Variants in RGMA observed in about 807,000 individuals in gnomAD.
The protein encoded by RGMA is repulsive guidance molecule A.
A neutral mutation model predicts 23.2 loss-of-function variants in RGMA; 10 were observed. The ratio of observed to expected loss-of-function variants is 0.43; its 90% CI spans 0.27 to 0.73. The LOEUF is 0.73. Among genes scored for constraint, RGMA ranks in the 30% least tolerant of loss-of-function variants. The pLI, the probability that RGMA is intolerant of heterozygous loss-of-function variation, is 0.20. For synonymous variants in RGMA, 308 were observed against 279.3 expected, an observed-to-expected ratio of 1.10 and a Z score of -1.03; for missense variants, 547 against 630.5, an observed-to-expected ratio of 0.87 and a Z score of 1.42.
chr15:93,057,516 G>T (rs2055033668), intron 2 of RGMA, among the ~76,000 whole-genome samples: 1 of 152,180 alleles, frequency 6.6e-6, no homozygotes, highest in South Asian at 2.1e-4. Context: ...GGCCATGCTG[G>T]TACCGGATCT....
intron 1 of RGMA, chr15:93,074,049 C>T: frequency 7.4e-7 from 1 of 1,355,188 alleles, no homozygotes; most frequent in Non-Finnish European, 9.5e-7. Flanking sequence ...CCCAAGGTTC[C>T]CTGGGCCCTG....
At chr15:93,070,916 A>C (rs1000850954) in intron 2 of RGMA, among the ~76,000 whole-genome samples, 1 of 152,256 alleles carries the variant, frequency 6.6e-6, no homozygotes, top group Non-Finnish European at 1.5e-5. Flanking sequence ...TTTAAAATAA[A>C]AGTTTTTAGG....
chr15:93,060,503 G>C (rs565279968), intron 2 of RGMA, among the ~76,000 whole-genome samples: 1 of 152,210 alleles, frequency 6.6e-6, no homozygotes, highest in Non-Finnish European at 1.5e-5. Context: ...TGATGCCCAG[G>C]CAATGCCTAC....
chr15:93,080,784 C>A (rs939662955), intron 1 of RGMA, among the ~76,000 whole-genome samples: 10 of 152,126 alleles, frequency 6.6e-5, no homozygotes, highest in Non-Finnish European at 7.4e-5. Context: ...CTCGACTTCC[C>A]ATATTCTCAG....
rs749479528 is a variant in RGMA, at chr15:93,052,145, G to A, written c.493C>T (p.Leu165Phe). ...SATPNYTHCG[L>F]FGDPHLRTFT... ...GTCCTGAGGTGTGGGTCCCCGAAGA[G>A]GCCACAGTGCGTGTAGTTGGGGGTG... Residue 165 changes from leucine (L) to phenylalanine (F), a missense_variant, in exon 3 of 4, where the codon CTC becomes TTC. By Grantham distance (22) the Leu-to-Phe change is conservative. This residue lies in a region of RGMA where 128 missense variants were observed against 191.7 expected (regional missense o/e 0.67). Transcript: ENST00000329082. 2 of 1,613,968 alleles carry A rather than the reference G, an allele frequency of 1.2e-6. No individual in the cohort carries two copies. Among genetic ancestry groups the A allele is most frequent in the Admixed American group, 3.3e-5 (2 of 60,024 alleles).
chr15:93,070,321 C>G (rs558350216), intron 2 of RGMA, among the ~76,000 whole-genome samples: 1 of 152,238 alleles, frequency 6.6e-6, no homozygotes, highest in Non-Finnish European at 1.5e-5. Context: ...GCCATTCAAG[C>G]TGACTAGCAC....
intron 3 of RGMA, among the ~76,000 whole-genome samples, chr15:93,048,459 G>A (rs563514048): frequency 1.4e-4 from 22 of 152,264 alleles, no homozygotes; most frequent in African/African-American, 4.8e-4. Flanking sequence ...GAGGGTCGGG[G>A]CTCTGCGGGA....
Position 93,045,060 on chromosome 15 carries a change from C to T in RGMA, c.1291G>A (p.Ala431Thr), listed in dbSNP as rs1596077052. 6.4e-7 allele frequency: 1 copy of T among 1,573,226 alleles called. No homozygotes were observed. ...AGGGCGCCCAGGAGGGGCCGGGGGG[C>T]CAGGGGCAGCCCCGCAGCCGCCCTG... Reference protein sequence around the residue: ...PGRAAAGLPLAPRPLLGALVP... With the variant: ...PGRAAAGLPLTPRPLLGALVP... Residue 431 changes from alanine to threonine, a missense_variant, in exon 4 of 4, where the codon GCC (alanine) becomes ACC (threonine). This residue lies in a region of RGMA where 205 missense variants were observed against 204.1 expected (regional missense o/e 1.00). Transcript: ENST00000329082. This position sits in a 1 kb window ranked among gnomAD's most constrained non-coding sequence, Gnocchi z 6.9.
rs1555447552 is a variant in RGMA at position 93,038,569 on chromosome 15, G to GTTTGTTT, written c.*6428_*6429insAAACAAA. ...GCCTTAATGAACGAAACTGTTAGTTGTTTTTTTTTTTTTTTTGAGACGGTG... is the reference window on the plus strand; with the variant it reads ...GCCTTAATGAACGAAACTGTTAGTTGTTTGTTTTTTTTTTTTTTTTTTTGAGACGGTG... On this transcript the variant is annotated 3_prime_UTR_variant, in exon 4 of 4. Coordinates refer to ENST00000329082, the MANE Select transcript of RGMA (RefSeq NM_020211.3). The GTTTGTTT allele has an allele frequency of 2.0e-5, 2 of 100,224 alleles. No individual in the cohort carries two copies. Among genetic ancestry groups the GTTTGTTT allele is most frequent in the African/African-American group, 3.2e-5 (1 of 30,862 alleles). 6.2% of individuals were successfully genotyped at this position (100,224 alleles called of 1,614,324 possible).
intron 1 of RGMA, among the ~76,000 whole-genome samples, chr15:93,086,184 C>T (rs1365389282): frequency 6.6e-6 from 1 of 152,196 alleles, no homozygotes; most frequent in African/African-American, 2.4e-5. Context: ...AAAAGAGCCA[C>T]AGGAACACCA....
chr15:93,047,188 G>A (rs2054837429), intron 3 of RGMA, among the ~76,000 whole-genome samples: 1 of 152,224 alleles, frequency 6.6e-6, no homozygotes, highest in Non-Finnish European at 1.5e-5. Context: ...GGTGGCCAGG[G>A]GAGCAGGTGA....
rs2054685895 is a variant in RGMA at position 93,038,569 on chromosome 15, G to GTTTTTTTTTTTTGTTTTTTTTTTT, written c.*6428_*6429insAAAAAAAAAAACAAAAAAAAAAAA. Reference sequence around the variant, plus strand: ...GCCTTAATGAACGAAACTGTTAGTTGTTTTTTTTTTTTTTTTGAGACGGTG... The same window carrying GTTTTTTTTTTTTGTTTTTTTTTTT: ...GCCTTAATGAACGAAACTGTTAGTTGTTTTTTTTTTTTGTTTTTTTTTTTTTTTTTTTTTTTTTTTGAGACGGTG... On this transcript the variant is annotated 3_prime_UTR_variant, in exon 4 of 4. Coordinates refer to ENST00000329082, the MANE Select transcript of RGMA (RefSeq NM_020211.3). 2 of 100,222 alleles carry GTTTTTTTTTTTTGTTTTTTTTTTT rather than the reference G, an allele frequency of 2.0e-5. No homozygotes were observed. Among genetic ancestry groups the GTTTTTTTTTTTTGTTTTTTTTTTT allele is most frequent in the Non-Finnish European group, 4.7e-5 (2 of 42,824 alleles). The allele number at this position is 100,222 out of a possible 1,614,324, so 6.2% of individuals were successfully genotyped here.
At chr15:93,080,067 G>T (rs1203665564) in intron 1 of RGMA, among the ~76,000 whole-genome samples, 2 of 151,442 alleles carry the variant, frequency 1.3e-5, no homozygotes, top group Admixed American at 1.3e-4. Flanking sequence ...TTACCAAGAA[G>T]AAAAAACTAC....
intron 1 of RGMA, among the ~76,000 whole-genome samples, chr15:93,084,486 T>C (rs754100629): frequency 1.3e-5 from 2 of 152,128 alleles, no homozygotes; most frequent in African/African-American, 4.8e-5. Context: ...TTTTTGTTTT[T>C]TTTTGAGATG....
At chr15:93,066,477 C>A in intron 2 of RGMA, 1 of 551,012 alleles carries the variant, frequency 1.8e-6, no homozygotes, top group Non-Finnish European at 3.4e-6. Context: ...GGCCAGGCAC[C>A]AAGGGGGTCC....
intron 1 of RGMA, among the ~76,000 whole-genome samples, chr15:93,081,087 C>CA (rs1271700443): frequency 6.6e-6 from 1 of 152,166 alleles, no homozygotes; most frequent in Non-Finnish European, 1.5e-5. Flanking sequence ...TGGGGAAAGA[C>CA]AGAGACCTGG....
chr15:93,050,809 A>G (rs1206544101), intron 3 of RGMA, among the ~76,000 whole-genome samples: 1 of 152,118 alleles, frequency 6.6e-6, no homozygotes, highest in Admixed American at 6.5e-5. Context: ...AACCTGCAGG[A>G]TGGGACAGGG....
chr15:93,087,701 A>C (rs1240747489), intron 1 of RGMA, among the ~76,000 whole-genome samples: 1 of 152,196 alleles, frequency 6.6e-6, no homozygotes, highest in Non-Finnish European at 1.5e-5. Context: ...ATACCTGCGG[A>C]AGGGGCATCT....
intron 1 of RGMA, 120 bp from the exon 2 acceptor site, chr15:93,073,151 C>T (rs1342179876): frequency 2.4e-6 from 3 of 1,246,854 alleles, no homozygotes; most frequent in Admixed American, 4.4e-5. Context: ...CGCGGGCGCC[C>T]GGCGCGCTCC....
Sources: allele counts gnomAD v4.1 joint callset (sites outside exome capture counted in the v4.1 genomes callset), GRCh38; gene constraint gnomAD v4.1.1; regional missense constraint gnomAD v4.1.1; non-coding constraint Gnocchi (gnomAD v3.1); transcripts MANE v1.5; gene names NCBI Gene and HGNC (gene_info 2026-07-23, HGNC 2026-07-21).